The following SIPA1L1 variants were observed in gnomAD, a reference collection of about 807,000 sequenced individuals.
The protein encoded by SIPA1L1 is signal-induced proliferation-associated 1-like protein 1.
SIPA1L1 carries 26 observed loss-of-function variants against 162.7 expected under a neutral mutation model. That is an observed-to-expected ratio of 0.16 (90% CI 0.12 to 0.22). SIPA1L1 has a LOEUF of 0.22. Among genes scored for constraint, SIPA1L1 ranks in the 10% least tolerant of loss-of-function variants. The pLI, the probability that SIPA1L1 is intolerant of heterozygous loss-of-function variation, is 1.00. For synonymous variants in SIPA1L1, 829 were observed against 837.4 expected (o/e 0.99, Z 0.17); for missense variants, 1,874 against 2,241.0 (o/e 0.84, Z 3.31).
Position 71,653,198 on chromosome 14 carries a change from CTTTT to C in SIPA1L1, c.1993+2690_1993+2693del, listed in dbSNP as rs2042772262. ...ACTTAGCCCTACTACTAAGGCATGACTTTTCTTGCACCTCAGTACTTGAATATTC... is the reference window on the plus strand; with the variant it reads ...ACTTAGCCCTACTACTAAGGCATGACCTTGCACCTCAGTACTTGAATATTC... On this transcript the variant is annotated intron_variant, in intron 8 of 23. Coordinates refer to ENST00000381232, the MANE Select transcript of SIPA1L1 (RefSeq NM_001386936.1). Among the ~76,000 whole-genome samples, 5 of 152,256 alleles carry C rather than the reference CTTTT, an allele frequency of 3.3e-5. No homozygotes were observed. In the Middle Eastern group the frequency reaches 0.01, roughly 311 times the overall value.
intron 10 of SIPA1L1, among the ~76,000 whole-genome samples, chr14:71,667,563 C>T (rs979397687): frequency 3.9e-5 from 6 of 152,142 alleles, no homozygotes; most frequent in African/African-American, 1.4e-4. Context: ...TGTCCTTTGC[C>T]CAGATCTGCT....
At chr14:71,708,427 C>G (rs1304430635) in intron 16 of SIPA1L1, among the ~76,000 whole-genome samples, 4 of 151,734 alleles carry the variant, frequency 2.6e-5, no homozygotes, top group Non-Finnish European at 5.9e-5. Flanking sequence ...TGGGCTCAAG[C>G]GATCCTCCCA....
intron 8 of SIPA1L1, among the ~76,000 whole-genome samples, 168 bp downstream of exon 8, chr14:71,650,677 CA>C (rs2042546178): frequency 6.6e-6 from 1 of 152,174 alleles, no homozygotes; most frequent in Non-Finnish European, 1.5e-5. Context: ...AGTTGAAGAT[CA>C]TAACCAAAGT....
intron 7 of SIPA1L1, among the ~76,000 whole-genome samples, chr14:71,630,627 C>T (rs1284402313): frequency 1.3e-5 from 2 of 152,158 alleles, no homozygotes; most frequent in Non-Finnish European, 2.9e-5. Context: ...TAGGATTTAT[C>T]TAAACTAGGC....
intron 3 of SIPA1L1, among the ~76,000 whole-genome samples, chr14:71,518,678 C>T (rs1415524514): frequency 1.3e-5 from 2 of 152,072 alleles, no homozygotes; most frequent in Non-Finnish European, 2.9e-5. Flanking sequence ...TAGTGGTTCA[C>T]GCCTGTAATC....
At chr14:71,714,955 G>C (rs1052811298) in intron 17 of SIPA1L1, among the ~76,000 whole-genome samples, 2 of 152,120 alleles carry the variant, frequency 1.3e-5, no homozygotes, top group Admixed American at 6.5e-5. Context: ...CATTCCTCTA[G>C]CTACAGCTCA....
intron 2 of SIPA1L1, among the ~76,000 whole-genome samples, chr14:71,497,467 C>T (rs1353967856): frequency 6.6e-6 from 1 of 152,222 alleles, no homozygotes; most frequent in East Asian, 1.9e-4. Flanking sequence ...AAAACTCCCT[C>T]ATGCTACCCC....
At chr14:71,563,049 G>A (rs1252732014) in intron 4 of SIPA1L1, among the ~76,000 whole-genome samples, 2 of 152,194 alleles carry the variant, frequency 1.3e-5, no homozygotes, top group Non-Finnish European at 1.5e-5. Flanking sequence ...TGGAAGGCAG[G>A]CAGGGACTTT....
chr14:71,716,194 G>GGTACACAATTGGATAGA, intron 17 of SIPA1L1, among the ~76,000 whole-genome samples: 1 of 151,602 alleles, frequency 6.6e-6, no homozygotes, highest in Non-Finnish European at 1.5e-5. Context: ...TGTTCCGTAC[G>GGTACACAATTGGATAGA]GTACTCTATT....
intron 2 of SIPA1L1, among the ~76,000 whole-genome samples, chr14:71,505,957 T>A (rs1386761633): frequency 2.8e-5 from 4 of 144,260 alleles, no homozygotes; most frequent in Non-Finnish European, 6.2e-5. Context: ...GATATGCAAA[T>A]ATTCCCCCCC....
intron 13 of SIPA1L1, among the ~76,000 whole-genome samples, chr14:71,692,267 G>A (rs2081306385): frequency 6.6e-6 from 1 of 152,176 alleles, no homozygotes; most frequent in Non-Finnish European, 1.5e-5. Flanking sequence ...ATAGATATAA[G>A]TAGAATTATT....
intron 16 of SIPA1L1, 130 bp downstream of exon 16, chr14:71,705,470 C>T: frequency 2.7e-6 from 2 of 728,944 alleles, no homozygotes; most frequent in South Asian, 3.4e-5. Flanking sequence ...TGGTCGTTTG[C>T]TGCCATGGCC....
intron 2 of SIPA1L1, among the ~76,000 whole-genome samples, chr14:71,431,178 C>A (rs913629067): frequency 6.6e-6 from 1 of 152,122 alleles, no homozygotes; most frequent in African/African-American, 2.4e-5. Flanking sequence ...AGCTTTCAAG[C>A]TAGTAGTCCA....
At chr14:71,501,218 G>T (rs1468549625) in intron 2 of SIPA1L1, among the ~76,000 whole-genome samples, 1 of 152,070 alleles carries the variant, frequency 6.6e-6, no homozygotes, top group Non-Finnish European at 1.5e-5. Flanking sequence ...CTACTTGGGG[G>T]GCTGAGGTGG....
intron 2 of SIPA1L1, among the ~76,000 whole-genome samples, chr14:71,358,578 C>T (rs947880741): frequency 2.0e-5 from 3 of 152,198 alleles, no homozygotes; most frequent in African/African-American, 4.8e-5. Context: ...CACCTGCCCT[C>T]CATTCATTCC....
intron 2 of SIPA1L1, among the ~76,000 whole-genome samples, chr14:71,486,221 A>G (rs961780320): frequency 2.0e-5 from 3 of 152,258 alleles, no homozygotes; most frequent in Non-Finnish European, 4.4e-5. Context: ...AGCATCTGCA[A>G]TGAAATTTCT....
At chr14:71,644,951 C>T (rs1460876808) in intron 7 of SIPA1L1, among the ~76,000 whole-genome samples, 1 of 152,126 alleles carries the variant, frequency 6.6e-6, no homozygotes, top group Non-Finnish European at 1.5e-5. Context: ...CTACTCAGTG[C>T]CTTAAAACAA....
chr14:71,732,472 C>G (rs963465731), intron 20 of SIPA1L1, among the ~76,000 whole-genome samples: 65 of 152,132 alleles, frequency 4.3e-4, no homozygotes, highest in African/African-American at 1.4e-3. Context: ...ACCCCAGCAG[C>G]CCGCCCTTCC....
At chr14:71,628,568 G>A (rs1319438610) in intron 7 of SIPA1L1, among the ~76,000 whole-genome samples, 1 of 152,210 alleles carries the variant, frequency 6.6e-6, no homozygotes, top group Non-Finnish European at 1.5e-5. Context: ...GTATGACTCT[G>A]CAGGTTGTTA....
Sources: allele counts gnomAD v4.1 joint callset (sites outside exome capture counted in the v4.1 genomes callset), GRCh38; gene constraint gnomAD v4.1.1; transcripts MANE v1.5; gene names NCBI Gene and HGNC (gene_info 2026-07-23, HGNC 2026-07-21).